BRINP3: variants seen among roughly 807,000 people sequenced by gnomAD.
The protein encoded by BRINP3 is BMP/retinoic acid inducible neural specific 3.
Under a neutral mutation model 71.0 loss-of-function variants are expected in BRINP3, and 19 were observed. That is an observed-to-expected ratio of 0.27 (90% CI 0.19 to 0.39). The LOEUF is 0.39. Ranked by LOEUF, BRINP3 falls within the 10% of genes least tolerant of loss-of-function variation. The pLI, the probability that BRINP3 is intolerant of heterozygous loss-of-function variation, is 1.00. For missense variants in BRINP3, 959 were observed against 940.8 expected (o/e 1.02, Z -0.25); for synonymous variants, 380 against 337.7 (o/e 1.13, Z -1.37).
intron 2 of BRINP3, among the ~76,000 whole-genome samples, chr1:190,354,884 A>C (rs1668631916): frequency 6.6e-6 from 1 of 151,526 alleles, no homozygotes; most frequent in Non-Finnish European, 1.5e-5. Context: ...TTAAAATTTG[A>C]CAATTTTTCC....
chr1:190,386,273 A>G (rs913791926), intron 2 of BRINP3, among the ~76,000 whole-genome samples: 28 of 151,454 alleles, frequency 1.8e-4, no homozygotes, highest in African/African-American at 6.8e-4. Flanking sequence ...ATAAAAATAA[A>G]CTACAAAAAA....
intron 1 of BRINP3, among the ~76,000 whole-genome samples, chr1:190,474,165 C>A (rs558491697): frequency 6.6e-6 from 1 of 152,242 alleles, no homozygotes; most frequent in African/African-American, 2.4e-5. Flanking sequence ...TAACCTTGGT[C>A]CAGTTTCTGA....
intron 6 of BRINP3, among the ~76,000 whole-genome samples, chr1:190,171,877 C>A (rs12116644): frequency 0.047 from 7,150 of 151,872 alleles, 230 homozygotes; most frequent in Non-Finnish European, 0.07. Context: ...GAGGCCAAGG[C>A]AGGAGAATTG....
intron 2 of BRINP3, among the ~76,000 whole-genome samples, chr1:190,320,991 C>G (rs978743530): frequency 6.6e-6 from 1 of 151,844 alleles, no homozygotes; most frequent in Non-Finnish European, 1.5e-5. Context: ...ATGTATATGT[C>G]TGTATATACG....
At chr1:190,169,470 A>G (rs576462446) in intron 6 of BRINP3, among the ~76,000 whole-genome samples, 13 of 152,268 alleles carry the variant, frequency 8.5e-5, no homozygotes, top group African/African-American at 2.9e-4. Flanking sequence ...AGCATCTCCA[A>G]TCCTTTTGTT....
intron 6 of BRINP3, among the ~76,000 whole-genome samples, chr1:190,168,847 T>C (rs2102489073): frequency 6.6e-6 from 1 of 152,324 alleles, no homozygotes; most frequent in Admixed American, 6.5e-5. Context: ...ACCATTGGCA[T>C]GATTCTTGGC....
intron 2 of BRINP3, among the ~76,000 whole-genome samples, chr1:190,356,365 C>A (rs1444016730): frequency 6.6e-6 from 1 of 151,870 alleles, no homozygotes; most frequent in Non-Finnish European, 1.5e-5. Flanking sequence ...ATAAGAAGAT[C>A]AGTGTTTAAC....
intron 2 of BRINP3, among the ~76,000 whole-genome samples, chr1:190,435,472 A>C (rs1674397471): frequency 6.6e-6 from 1 of 152,052 alleles, no homozygotes; most frequent in South Asian, 2.1e-4. Flanking sequence ...CAGACCAAAA[A>C]ATAATTATAT....
At chr1:190,135,382 C>T (rs891526286) in intron 7 of BRINP3, among the ~76,000 whole-genome samples, 9 of 151,944 alleles carry the variant, frequency 5.9e-5, no homozygotes, top group Non-Finnish European at 1.2e-4. Flanking sequence ...AGTTCATGAG[C>T]TTTAGTATTG....
chr1:190,448,987 C>A (rs989244193), intron 2 of BRINP3, among the ~76,000 whole-genome samples: 7 of 151,838 alleles, frequency 4.6e-5, no homozygotes, highest in Non-Finnish European at 1.0e-4. Flanking sequence ...AATTTCCACT[C>A]TCTGCTTAAT....
chr1:190,310,225 A>T (rs1054125739), intron 2 of BRINP3, among the ~76,000 whole-genome samples: 5 of 151,582 alleles, frequency 3.3e-5, no homozygotes, highest in African/African-American at 1.2e-4. Context: ...AATGCAAAAC[A>T]TTTGCAGTTA....
rs34335384 is a variant in BRINP3 at position 190,449,563 on chromosome 1, G to GTATA, written c.236+5088_236+5091dup. 8.7e-3 allele frequency among the ~76,000 whole-genome samples: 1,314 copies of GTATA among 150,706 alleles called. 11 individuals are homozygous for GTATA. The highest frequency in any genetic ancestry group is 0.02 in the African/African-American group (807 of 41,166). ...CAAAGCTACTGTTGTATTATAGCAT[G>GTATA]TATATATATATATGTACATAATATG... On this transcript the variant is annotated intron_variant, in intron 2 of 7. Transcript: ENST00000367462.
chr1:190,313,504 AAAATTCTGC>A (rs1299812202), intron 2 of BRINP3, among the ~76,000 whole-genome samples: 1 of 152,058 alleles, frequency 6.6e-6, no homozygotes, highest in Non-Finnish European at 1.5e-5. Flanking sequence ...CTATTAAAGC[AAAATTCTGC>A]AACCTATGTG....
intron 2 of BRINP3, among the ~76,000 whole-genome samples, chr1:190,390,368 A>G (rs1558243679): frequency 1.3e-5 from 2 of 151,770 alleles, no homozygotes; most frequent in Non-Finnish European, 2.9e-5. Flanking sequence ...ACAATGTCTA[A>G]GACATGACCA....
intron 7 of BRINP3, among the ~76,000 whole-genome samples, chr1:190,129,853 G>A (rs904405174): frequency 6.6e-6 from 1 of 151,824 alleles, no homozygotes; most frequent in African/African-American, 2.4e-5. Context: ...ATATCGATAA[G>A]ACAGCCAATT....
At chr1:190,201,488 A>G (rs1654999988) in intron 6 of BRINP3, among the ~76,000 whole-genome samples, 1 of 152,224 alleles carries the variant, frequency 6.6e-6, no homozygotes, top group Non-Finnish European at 1.5e-5. Flanking sequence ...AGCTGGCTGC[A>G]TAATTTGCAT....
At chr1:190,190,319 C>A (rs1291750147) in intron 6 of BRINP3, among the ~76,000 whole-genome samples, 3 of 152,092 alleles carry the variant, frequency 2.0e-5, no homozygotes, top group African/African-American at 7.2e-5. Flanking sequence ...CCTCCCGTTT[C>A]ACACAGGACT....
In BRINP3 at chr1:190,405,450, C is replaced by CAAAAAAAAAAA. The variant is rs1334402738; in HGVS notation, c.236+49194_236+49204dup. ...TGGGCGACAGAGCGAGACTCCGTCT[C>CAAAAAAAAAAA]AAAAAAAAAAAAAAAAAAAAAAAAA... On this transcript the variant is annotated intron_variant, in intron 2 of 7. Transcript: ENST00000367462. Among the ~76,000 whole-genome samples, 9 of 39,142 alleles carry CAAAAAAAAAAA rather than the reference C, an allele frequency of 2.3e-4. 1 individual carries two copies. Among genetic ancestry groups the CAAAAAAAAAAA allele is most frequent in the Non-Finnish European group, 3.2e-4 (8 of 24,684 alleles). 25.7% of individuals were successfully genotyped at this position (39,142 alleles called of 152,430 possible). A position where few individuals can be genotyped will look rare whatever the true frequency, so the allele number is the denominator to read the frequency against.
At chr1:190,307,224 C>T in intron 2 of BRINP3, among the ~76,000 whole-genome samples, 2 of 146,862 alleles carry the variant, frequency 1.4e-5, no homozygotes, top group South Asian at 2.2e-4. Flanking sequence ...TTTTTAATGC[C>T]CTATGACGAA....
Sources: allele counts gnomAD v4.1 joint callset (sites outside exome capture counted in the v4.1 genomes callset), GRCh38; gene constraint gnomAD v4.1.1; transcripts MANE v1.5; gene names NCBI Gene and HGNC (gene_info 2026-07-23, HGNC 2026-07-21).